The following CHD1 variants were observed in gnomAD, a reference collection of about 807,000 sequenced individuals.
CHD1 encodes the protein chromodomain helicase DNA binding protein 1, also known as ATP-dependent chromatin remodeler CHD1.
Under a neutral mutation model 224.2 loss-of-function variants are expected in CHD1, and 36 were observed. The ratio of observed to expected loss-of-function variants is 0.16; its 90% CI spans 0.12 to 0.21. The LOEUF is 0.21. Among genes scored for constraint, CHD1 ranks in the 10% least tolerant of loss-of-function variants. CHD1 has a pLI of 1.00. For missense variants in CHD1, 1,378 were observed against 1,994.8 expected (o/e 0.69, Z 5.89); for synonymous variants, 668 against 658.3 (o/e 1.01, Z -0.23).
intron 34 of CHD1, 54 bp downstream of exon 34, chr5:98,858,910 A>T (rs1488534302): frequency 1.0e-5 from 13 of 1,296,746 alleles, no homozygotes; most frequent in Non-Finnish European, 1.3e-5. Context: ...TTAAAACAAA[A>T]ATTTAAAAAA....
At chr5:98,858,651 TAC>T in intron 34 of CHD1, 1 of 443,540 alleles carries the variant, frequency 2.3e-6, no homozygotes. Context: ...GTGACTCTGA[TAC>T]AGAAAGAATG....
At position 98,922,256 on chromosome 5, in the gene CHD1, T is replaced by C. The variant is rs1753147334; in HGVS notation, c.53+4078A>G. Among the ~76,000 whole-genome samples the C allele has an allele frequency of 3.3e-5, 5 of 152,236 alleles. No individual in the cohort carries two copies. The South Asian group carries it at 1.0e-3, about 31-fold the overall frequency. Reference sequence around the variant, plus strand: ...ATCCACACAGCTGCAAATTGATGCTTTGAAATCTTCCAGCATTATCTTTAA... The same window carrying C: ...ATCCACACAGCTGCAAATTGATGCTCTGAAATCTTCCAGCATTATCTTTAA... On this transcript the variant is annotated intron_variant, in intron 2 of 35. Coordinates refer to ENST00000614616, the MANE Select transcript of CHD1 (RefSeq NM_001270.4).
At chr5:98,869,661 T>C (rs1749183137) in intron 30 of CHD1, 93 bp downstream of exon 30, 5 of 1,333,138 alleles carry the variant, frequency 3.8e-6, no homozygotes, top group Non-Finnish European at 5.3e-6. Flanking sequence ...CAGACTTCGG[T>C]ACCTAAAATA....
chr5:98,901,735 A>G (rs1751727198), intron 5 of CHD1, among the ~76,000 whole-genome samples: 1 of 143,416 alleles, frequency 7.0e-6, no homozygotes, highest in Admixed American at 6.9e-5. Context: ...GTTCATTAAG[A>G]AACATAGAAA....
intron 34 of CHD1, 128 bp from the exon 35 acceptor site, chr5:98,858,518 T>C (rs1377984535): frequency 1.2e-5 from 8 of 677,282 alleles, no homozygotes; most frequent in Non-Finnish European, 2.0e-5. Context: ...TACAAGCAGT[T>C]AAAGCATTTA....
At chr5:98,917,129 T>A (rs1752781718) in intron 2 of CHD1, among the ~76,000 whole-genome samples, 1 of 152,114 alleles carries the variant, frequency 6.6e-6, no homozygotes, top group Admixed American at 6.5e-5. Context: ...CTAGGACTCA[T>A]TAGCTTTTAC....
intron 31 of CHD1, among the ~76,000 whole-genome samples, chr5:98,864,426 C>T (rs918849320): frequency 1.3e-5 from 2 of 149,962 alleles, no homozygotes; most frequent in Non-Finnish European, 3.0e-5. Context: ...AGGCCTGTAA[C>T]CCCAGCACTT....
chr5:98,870,087 C>T (rs896661474), intron 29 of CHD1, among the ~76,000 whole-genome samples: 2 of 151,808 alleles, frequency 1.3e-5, no homozygotes, highest in Admixed American at 6.6e-5. Flanking sequence ...AAATACTAGC[C>T]ATTATTATTC....
chr5:98,900,386 CA>C (rs957184576), intron 7 of CHD1, among the ~76,000 whole-genome samples: 1 of 149,900 alleles, frequency 6.7e-6, no homozygotes, highest in East Asian at 2.0e-4. Context: ...ACAACAACAA[CA>C]AAAAATCCAC....
chr5:98,916,266 G>A (rs1225075543), intron 2 of CHD1, among the ~76,000 whole-genome samples: 2 of 151,694 alleles, frequency 1.3e-5, no homozygotes, highest in African/African-American at 4.8e-5. Context: ...AAAGGTTTTG[G>A]CAGGTGTGGT....
chr5:98,917,303 A>AAAAAAAC (rs1752799444), intron 2 of CHD1, among the ~76,000 whole-genome samples: 1 of 150,924 alleles, frequency 6.6e-6, no homozygotes. Context: ...AAGAAACAAA[A>AAAAAAAC]AAAAAAAACA....
chr5:98,888,047 TTAGA>T (rs1343817597), intron 17 of CHD1, 37 bp downstream of exon 17: 1 of 1,313,744 alleles, frequency 7.6e-7, no homozygotes, highest in African/African-American at 1.5e-5. Context: ...TGCACAGGAA[TTAGA>T]TAAAATTTAA....
chr5:98,906,206 A>C (rs530763807), intron 2 of CHD1, among the ~76,000 whole-genome samples: 24 of 152,162 alleles, frequency 1.6e-4, no homozygotes, highest in Non-Finnish European at 2.9e-4. Flanking sequence ...AAGTATGAAT[A>C]AGCATTGTTG....
At chr5:98,865,463 T>C (rs1041223276) in intron 31 of CHD1, among the ~76,000 whole-genome samples, 3 of 152,212 alleles carry the variant, frequency 2.0e-5, no homozygotes, top group African/African-American at 7.2e-5. Context: ...ATGAGTAGGA[T>C]GGAAGCAATA....
intron 2 of CHD1, among the ~76,000 whole-genome samples, chr5:98,922,818 G>A (rs1391438727): frequency 2.6e-5 from 4 of 152,044 alleles, no homozygotes; most frequent in East Asian, 1.9e-4. Context: ...ACGAAACACC[G>A]TCTCTGCTAA....
chr5:98,919,486 T>C (rs1241365771), intron 2 of CHD1, among the ~76,000 whole-genome samples: 1 of 152,204 alleles, frequency 6.6e-6, no homozygotes, highest in Non-Finnish European at 1.5e-5. Flanking sequence ...TAAAGTGTAC[T>C]GTATGTAAAC....
chr5:98,902,389 A>C (rs1223597763), intron 5 of CHD1, among the ~76,000 whole-genome samples: 2 of 152,108 alleles, frequency 1.3e-5, no homozygotes, highest in Admixed American at 1.3e-4. Context: ...AAAATGGAAT[A>C]ATGTTTCCAA....
rs1391799034 is a variant in CHD1, at chr5:98,856,737, A to T, written c.4788-12T>A. 6.6e-7 allele frequency: 1 copy of T among 1,513,318 alleles called. No homozygotes were observed. The highest frequency in any genetic ancestry group is 9.0e-7 in the Non-Finnish European group (1 of 1,109,314). The allele number at this position is 1,513,318 out of a possible 1,614,324, so 93.7% of individuals were successfully genotyped here. A position where few individuals can be genotyped will look rare whatever the true frequency, so the allele number is the denominator to read the frequency against. On this transcript the variant is annotated splice_polypyrimidine_tract_variant and intron_variant, in intron 35 of 35. Coordinates refer to ENST00000614616, the MANE Select transcript of CHD1 (RefSeq NM_001270.4). ...TGTCACTGTAATATCTAATAAAGAA[A>T]AATTGAGAATTTTAGACAAATCATG...
chr5:98,911,000 G>A (rs1393438038), intron 2 of CHD1, among the ~76,000 whole-genome samples: 4 of 150,800 alleles, frequency 2.7e-5, no homozygotes, highest in African/African-American at 4.9e-5. Context: ...CAATCACCTA[G>A]CACCTAGATC....
Sources: gnomAD v4.1 joint callset for allele counts (sites outside exome capture counted in the v4.1 genomes callset) on GRCh38, gnomAD v4.1.1 for gene constraint, MANE v1.5 for transcripts, NCBI Gene and HGNC (gene_info 2026-07-23, HGNC 2026-07-21) for gene names.